The following DLG2 variants were observed in gnomAD, a reference collection of about 807,000 sequenced individuals.
DLG2 encodes the protein discs large MAGUK scaffold protein 2.
Under a neutral mutation model 132.5 loss-of-function variants are expected in DLG2, and 45 were observed. The observed-to-expected ratio is 0.34, with a 90% CI of 0.27 to 0.44. The LOEUF (loss-of-function observed/expected upper bound fraction) is 0.44. DLG2 is among the 20% of genes least tolerant of loss of function. The pLI, the probability that DLG2 is intolerant of heterozygous loss-of-function variation, is 1.00. For missense variants in DLG2, 1,045 were observed against 1,196.9 expected (o/e 0.87, Z 1.87); for synonymous variants, 424 against 419.6 (o/e 1.01, Z -0.13).
chr11:84,714,557 CTT>C (rs375966938), intron 6 of DLG2, among the ~76,000 whole-genome samples: 35,878 of 117,316 alleles, frequency 0.31, 6,152 homozygotes, highest in African/African-American at 0.56. Flanking sequence ...CTTTCTCTCT[CTT>C]TCTCTTTCTC....
chr11:83,736,953 G>T (rs2153710178), intron 18 of DLG2, among the ~76,000 whole-genome samples: 1 of 152,130 alleles, frequency 6.6e-6, no homozygotes, highest in East Asian at 1.9e-4. Context: ...ACAATTCCAA[G>T]ATATCTACAC....
intron 6 of DLG2, among the ~76,000 whole-genome samples, chr11:85,038,887 A>G (rs2061622094): frequency 6.6e-6 from 1 of 151,996 alleles, no homozygotes; most frequent in Admixed American, 6.6e-5. Flanking sequence ...GAGCTTTCCA[A>G]TGATACAATT....
chr11:83,544,659 C>T (rs187297502), intron 19 of DLG2, among the ~76,000 whole-genome samples: 34 of 152,102 alleles, frequency 2.2e-4, no homozygotes, highest in Non-Finnish European at 4.1e-4. Flanking sequence ...CTACTTACGC[C>T]CTTATTAGGT....
At chr11:84,554,634 C>T (rs778643104) in intron 6 of DLG2, among the ~76,000 whole-genome samples, 17 of 151,902 alleles carry the variant, frequency 1.1e-4, no homozygotes, top group African/African-American at 3.4e-4. Flanking sequence ...TAATCTCAGC[C>T]ACTCGGGAAG....
chr11:83,616,721 T>C (rs1336429489), intron 19 of DLG2, among the ~76,000 whole-genome samples: 1 of 152,222 alleles, frequency 6.6e-6, no homozygotes, highest in African/African-American at 2.4e-5. Context: ...AATCTTTGCC[T>C]ATCACACACT....
At chr11:84,750,442 C>T (rs1289453489) in intron 6 of DLG2, among the ~76,000 whole-genome samples, 3 of 152,052 alleles carry the variant, frequency 2.0e-5, no homozygotes, top group Non-Finnish European at 2.9e-5. Context: ...TGAGGTTTGG[C>T]ATAGGCCCGT....
chr11:84,593,275 C>T (rs1425311377), intron 6 of DLG2, among the ~76,000 whole-genome samples: 2 of 152,088 alleles, frequency 1.3e-5, no homozygotes, highest in African/African-American at 4.8e-5. Context: ...TACCATTTGA[C>T]CGCCAATCCC....
intron 6 of DLG2, among the ~76,000 whole-genome samples, chr11:84,971,373 G>A (rs1485787438): frequency 6.6e-6 from 1 of 152,130 alleles, no homozygotes; most frequent in East Asian, 1.9e-4. Context: ...TTAAAAATCT[G>A]CTCTAAAATT....
chr11:83,966,916 ACT>A (rs1250015904), intron 12 of DLG2, among the ~76,000 whole-genome samples: 1 of 151,700 alleles, frequency 6.6e-6, no homozygotes, highest in Non-Finnish European at 1.5e-5. Context: ...CCCTGTAACC[ACT>A]GTTTTATCCT....
intron 9 of DLG2, among the ~76,000 whole-genome samples, chr11:84,107,011 T>TGAGAGAGAGA (rs375475609): frequency 0.02 from 2,155 of 107,000 alleles, 58 homozygotes; most frequent in African/African-American, 0.06. Context: ...TGTGTGTGTG[T>TGAGAGAGAGA]GTGAGAGAGT....
chr11:84,812,538 C>T (rs1485677874), intron 6 of DLG2, among the ~76,000 whole-genome samples: 1 of 152,122 alleles, frequency 6.6e-6, no homozygotes, highest in Admixed American at 6.6e-5. Context: ...GATGCCTCTC[C>T]ACCATATGTG....
At chr11:84,839,214 G>C (rs1470518455) in intron 6 of DLG2, among the ~76,000 whole-genome samples, 1 of 152,046 alleles carries the variant, frequency 6.6e-6, no homozygotes, top group Non-Finnish European at 1.5e-5. Context: ...CAAACAGAGA[G>C]CTGAATCATG....
At chr11:84,536,124 T>A (rs989183441) in intron 6 of DLG2, among the ~76,000 whole-genome samples, 4 of 152,094 alleles carry the variant, frequency 2.6e-5, no homozygotes, top group African/African-American at 9.7e-5. Flanking sequence ...TTCTTCAATG[T>A]CCCAAGTAAT....
rs986129856 is a variant in DLG2 at position 85,313,573 on chromosome 11, A to G, written c.41-28208T>C. ...ATATCCAATAGTCAAAGTGTTTACA[A>G]TTGTTTTTCATGTAAAAGCATCTCC... On this transcript the variant is annotated intron_variant, in intron 3 of 27. Transcript: ENST00000376104. Among the ~76,000 whole-genome samples the G allele has an allele frequency of 3.3e-5, 5 of 152,162 alleles. No homozygotes were observed. In the East Asian group the frequency reaches 9.6e-4, roughly 29 times the overall value.
At chr11:84,813,402 A>G (rs1418809056) in intron 6 of DLG2, among the ~76,000 whole-genome samples, 1 of 152,120 alleles carries the variant, frequency 6.6e-6, no homozygotes, top group Admixed American at 6.6e-5. Flanking sequence ...AGGTACAGAG[A>G]AGATGATTAA....
intron 7 of DLG2, among the ~76,000 whole-genome samples, chr11:84,530,833 T>C (rs2154520013): frequency 6.6e-6 from 1 of 152,344 alleles, no homozygotes; most frequent in Middle Eastern, 3.4e-3. Context: ...GGTATGTTCC[T>C]TGCAGCACTA....
intron 6 of DLG2, among the ~76,000 whole-genome samples, chr11:84,600,159 G>GGAAAGAAGGAAAGAAAGAAAGAAAGAAA (rs1555082762): frequency 2.1e-5 from 2 of 96,148 alleles, no homozygotes; most frequent in African/African-American, 4.3e-5. Flanking sequence ...AAAGAAAGAA[G>GGAAAGAAGGAAAGAAAGAAAGAAAGAAA]GAAAGAAAGA....
chr11:84,599,249 GATA>G (rs1370081153), intron 6 of DLG2, among the ~76,000 whole-genome samples: 2 of 151,896 alleles, frequency 1.3e-5, no homozygotes, highest in Admixed American at 6.6e-5. Flanking sequence ...CATCTCAAAT[GATA>G]ATAATAATAA....
At chr11:83,469,851 C>T (rs944848858) in intron 24 of DLG2, among the ~76,000 whole-genome samples, 9 of 152,106 alleles carry the variant, frequency 5.9e-5, no homozygotes, top group African/African-American at 2.2e-4. Flanking sequence ...TAAATTATCA[C>T]CTGTCAGAAC....
Sources: gnomAD v4.1 joint callset for allele counts (sites outside exome capture counted in the v4.1 genomes callset) on GRCh38, gnomAD v4.1.1 for gene constraint, MANE v1.5 for transcripts, NCBI Gene and HGNC (gene_info 2026-07-23, HGNC 2026-07-21) for gene names.